The following MAPK6 variants were observed in gnomAD, a reference collection of about 807,000 sequenced individuals.
The protein encoded by MAPK6 is mitogen-activated protein kinase 6.
MAPK6 carries 19 observed loss-of-function variants against 59.3 expected under a neutral mutation model. The observed-to-expected ratio is 0.32, with a 90% CI of 0.22 to 0.47. The LOEUF (loss-of-function observed/expected upper bound fraction) is 0.47. MAPK6 is among the 20% of genes least tolerant of loss of function. MAPK6 has a pLI of 1.00. For missense variants in MAPK6, 724 were observed against 847.9 expected (o/e 0.85, Z 1.81); for synonymous variants, 316 against 290.3 (o/e 1.09, Z -0.90).
intron 1 of MAPK6, among the ~76,000 whole-genome samples, chr15:52,031,062 G>A (rs1301214823): frequency 6.6e-6 from 1 of 152,052 alleles, no homozygotes; most frequent in African/African-American, 2.4e-5. Flanking sequence ...CCAAAGTGCT[G>A]GGATTACAGG....
intron 1 of MAPK6, among the ~76,000 whole-genome samples, chr15:51,979,834 C>G (rs1285706899): frequency 6.6e-6 from 1 of 151,348 alleles, no homozygotes; most frequent in African/African-American, 2.4e-5. Flanking sequence ...GTGTGTGTGT[C>G]TAGCATGTAA....
chr15:51,986,376 G>A (rs528362174), intron 2 of MAPK6, among the ~76,000 whole-genome samples: 3 of 144,830 alleles, frequency 2.1e-5, no homozygotes, highest in African/African-American at 8.1e-5. Flanking sequence ...TCCCAATTTC[G>A]TTTTTTTTTT....
intron 1 of MAPK6, among the ~76,000 whole-genome samples, chr15:51,983,153 G>A (rs545328462): frequency 6.6e-6 from 1 of 152,214 alleles, no homozygotes; most frequent in African/African-American, 2.4e-5. Flanking sequence ...ATATCCCAGG[G>A]TCATAAATTT....
chr15:52,030,478 G>T (rs1238366299), intron 1 of MAPK6, among the ~76,000 whole-genome samples: 4 of 151,890 alleles, frequency 2.6e-5, no homozygotes, highest in African/African-American at 9.7e-5. Context: ...TTCTGGACTG[G>T]GTCCTTTACC....
chr15:51,987,325 G>C (rs2057193929), intron 2 of MAPK6, among the ~76,000 whole-genome samples: 1 of 152,128 alleles, frequency 6.6e-6, no homozygotes, highest in South Asian at 2.1e-4. Flanking sequence ...ACCTATTCAG[G>C]CTGGGCACTG....
At chr15:51,985,847 A>G (rs937255003) in intron 2 of MAPK6, among the ~76,000 whole-genome samples, 1 of 151,460 alleles carries the variant, frequency 6.6e-6, no homozygotes, top group African/African-American at 2.4e-5. Context: ...ACTCCCAGCT[A>G]CTCGGGAGGC....
chr15:52,013,571 T>C (rs887858121), intron 3 of MAPK6, among the ~76,000 whole-genome samples: 10 of 152,154 alleles, frequency 6.6e-5, no homozygotes, highest in Non-Finnish European at 1.0e-4. Context: ...ATTCACCAAG[T>C]CCACTTTACC....
chr15:52,015,539 A>G (rs1380476364), upstream of MAPK6, among the ~76,000 whole-genome samples: 2 of 139,080 alleles, frequency 1.4e-5, no homozygotes, highest in Non-Finnish European at 3.1e-5. Context: ...GTGCAGTGGC[A>G]TGATCTCGGC....
At position 52,061,509 on chromosome 15, in the gene MAPK6, A is replaced by G; in HGVS notation, c.1067+9A>G. 6.3e-7 allele frequency: 1 copy of G among 1,594,374 alleles called. No individual in the cohort carries two copies. Among genetic ancestry groups the G allele is most frequent in the East Asian group, 2.2e-5 (1 of 44,712 alleles). ...ATTTATAACTGGGAAAGGTAAATTG[A>G]TCCTAAATTAGAAAAATAATATTTA... is the stretch of plus-strand genomic sequence containing the variant. On this transcript the variant is annotated intron_variant, in intron 5 of 5. Transcript: ENST00000261845.
At chr15:52,023,226 T>C (rs912779369) in intron 1 of MAPK6, among the ~76,000 whole-genome samples, 1 of 152,148 alleles carries the variant, frequency 6.6e-6, no homozygotes, top group Non-Finnish European at 1.5e-5. Flanking sequence ...TGCTATCCAG[T>C]TCTTTGTTAC....
chr15:52,058,293 G>A (rs1424596769), intron 3 of MAPK6, among the ~76,000 whole-genome samples: 1 of 152,162 alleles, frequency 6.6e-6, no homozygotes, highest in African/African-American at 2.4e-5. Context: ...TGTCTCTGAA[G>A]TTATAGCCAG....
chr15:51,973,188 T>C (rs1029536247), intron 1 of MAPK6, among the ~76,000 whole-genome samples: 11 of 151,898 alleles, frequency 7.2e-5, no homozygotes, highest in African/African-American at 2.4e-4. Context: ...GGGTATGTAA[T>C]CATCAATCCT....
intron 1 of MAPK6, chr15:51,971,913 A>G: frequency 7.4e-6 from 5 of 672,294 alleles, no homozygotes; most frequent in South Asian, 3.3e-5. Flanking sequence ...CTGGGTATGC[A>G]TGGTATATAA....
At chr15:52,056,419 G>A (rs1420969141) in intron 3 of MAPK6, among the ~76,000 whole-genome samples, 1 of 151,824 alleles carries the variant, frequency 6.6e-6, no homozygotes, top group Non-Finnish European at 1.5e-5. Flanking sequence ...TGTACTCGTT[G>A]GATGTAAAAC....
intron 2 of MAPK6, among the ~76,000 whole-genome samples, chr15:51,992,306 T>TC (rs369567502): frequency 6.9e-4 from 12 of 17,376 alleles, no homozygotes; most frequent in African/African-American, 1.1e-3. Context: ...TATATATATA[T>TC]TTTTTTTTTT....
intron 1 of MAPK6, chr15:52,027,600 CTTTTTTTTTAATCTTAATTTTTTT>C (rs1417275977): frequency 7.2e-6 from 1 of 137,962 alleles, no homozygotes; most frequent in Non-Finnish European, 1.6e-5. Flanking sequence ...CTTCTCTTGA[CTTTTTTTTTAATCTTAATTTTTTT>C]TTTTTTTTTT....
At chr15:52,059,530 A>G (rs2032116369) in intron 4 of MAPK6, among the ~76,000 whole-genome samples, 1 of 152,228 alleles carries the variant, frequency 6.6e-6, no homozygotes, top group Non-Finnish European at 1.5e-5. Context: ...GACTCTGCTC[A>G]GCCAGGTGAA....
intron 2 of MAPK6, among the ~76,000 whole-genome samples, chr15:51,997,740 G>A (rs138674609): frequency 0.014 from 2,135 of 150,970 alleles, 29 homozygotes; most frequent in Middle Eastern, 0.024. Flanking sequence ...ACAGGTGCCC[G>A]CCACCACACC....
intron 3 of MAPK6, chr15:52,057,272 T>TGTTGAA (rs2032019806): frequency 6.6e-6 from 1 of 151,650 alleles, no homozygotes; most frequent in East Asian, 1.9e-4. Context: ...AAAGACAAGG[T>TGTTGAA]AGATCATGTC....
Sources: gnomAD v4.1 joint callset for allele counts (sites outside exome capture counted in the v4.1 genomes callset) on GRCh38, gnomAD v4.1.1 for gene constraint, MANE v1.5 for transcripts, NCBI Gene and HGNC (gene_info 2026-07-23, HGNC 2026-07-21) for gene names.